Variants in ITGAX observed in about 807,000 individuals in gnomAD.
ITGAX encodes the protein integrin alpha-X.
ITGAX carries 99 observed loss-of-function variants against 140.2 expected under a neutral mutation model. That is an observed-to-expected ratio of 0.71 (90% CI 0.60 to 0.83). The LOEUF is 0.83. ITGAX is among the 40% of genes least tolerant of loss of function. The probability of loss-of-function intolerance (pLI) is 0.00; values close to 1 mark genes in which losing one functional copy is unlikely to be tolerated. For missense variants in ITGAX, 1,444 were observed against 1,482.0 expected (o/e 0.97, Z 0.42); for synonymous variants, 631 against 600.4 (o/e 1.05, Z -0.75).
intron 20 of ITGAX, 149 bp from the exon 21 acceptor site, chr16:31,376,650 A>T: frequency 1.5e-6 from 1 of 678,328 alleles, no homozygotes; most frequent in South Asian, 1.9e-5. Context: ...AAACAAAAAC[A>T]TAAGCTTAAG....
At position 31,361,148 on chromosome 16, in the gene ITGAX, T is replaced by G; in HGVS notation, c.947T>G (p.Val316Gly). The G allele has an allele frequency of 1.2e-6, 2 of 1,613,680 alleles. No individual in the cohort carries two copies. The highest frequency in any genetic ancestry group is 1.7e-6 in the Non-Finnish European group (2 of 1,179,838). ...CCCTCCCAGGAACACATATTTAAAGTGGAGGACTTTGATGCTCTGAAAGAT... is the reference window on the plus strand; with the variant it reads ...CCCTCCCAGGAACACATATTTAAAGGGGAGGACTTTGATGCTCTGAAAGAT... ...SKPSQEHIFK[V>G]EDFDALKDIQ... Residue 316 changes from valine to glycine, a missense_variant, in exon 9 of 30, where the codon GTG becomes GGG. Coordinates refer to ENST00000268296, the MANE Select transcript of ITGAX (RefSeq NM_000887.5).
chr16:31,372,170 G>T (rs61761301), intron 17 of ITGAX, among the ~76,000 whole-genome samples: 32 of 151,814 alleles, frequency 2.1e-4, no homozygotes, highest in East Asian at 3.9e-4. Context: ...AGGTCTGGGG[G>T]GGGGGAGGAA....
At chr16:31,372,549 C>T (rs752588452) in intron 18 of ITGAX, 40 bp downstream of exon 18, 25 of 1,613,478 alleles carry the variant, frequency 1.5e-5, no homozygotes, top group East Asian at 4.5e-5. Context: ...GGGTGCACAG[C>T]GTGGGGCCTG....
At chr16:31,356,021 C>A in intron 2 of ITGAX, 23 bp downstream of exon 2, 3 of 1,559,316 alleles carry the variant, frequency 1.9e-6, no homozygotes, top group Non-Finnish European at 2.6e-6. Flanking sequence ...TGGTGCTGGC[C>A]TTTGGCTCCA....
intron 19 of ITGAX, among the ~76,000 whole-genome samples, 183 bp from the exon 20 acceptor site, chr16:31,373,066 C>G (rs766509121): frequency 2.0e-5 from 3 of 151,162 alleles, no homozygotes; most frequent in African/African-American, 7.3e-5. Context: ...GCACTCCAGC[C>G]TGGGTGAAAG....
intron 16 of ITGAX, 26 bp downstream of exon 16, chr16:31,371,523 G>A (rs1312196585): frequency 4.3e-6 from 7 of 1,611,856 alleles, no homozygotes; most frequent in Non-Finnish European, 5.9e-6. Context: ...TCCAACCCAG[G>A]ACACCCTGAC....
rs1308079891 is a variant in ITGAX at position 31,382,427 on chromosome 16, C to T, written c.*520C>T. On this transcript the variant is annotated 3_prime_UTR_variant, in exon 30 of 30. Transcript: ENST00000268296. ...CGCCCGGCCCGATCTTTCTAAAATA[C>T]AGTTCTGAATATGCTGCTCATCCCC... 6.5e-7 allele frequency: 1 copy of T among 1,534,846 alleles called. No individual in the cohort carries two copies. Among genetic ancestry groups the T allele is most frequent in the Non-Finnish European group, 8.7e-7 (1 of 1,145,938 alleles).
At chr16:31,371,542 T>G in intron 16 of ITGAX, 45 bp downstream of exon 16, 1 of 1,608,792 alleles carries the variant, frequency 6.2e-7, no homozygotes, top group Middle Eastern at 1.7e-4. Context: ...ACCTCTGGAG[T>G]CCCCCATCCC....
At chr16:31,363,101 G>A in intron 13 of ITGAX, 26 bp downstream of exon 13, 1 of 1,601,774 alleles carries the variant, frequency 6.2e-7, no homozygotes, top group Non-Finnish European at 8.5e-7. Context: ...GCCTGGGGTG[G>A]GTGGGGTCTG....
Position 31,382,607 on chromosome 16 carries a change from T to A in ITGAX, c.*700T>A. On this transcript the variant is annotated 3_prime_UTR_variant, in exon 30 of 30. Coordinates refer to ENST00000268296, the MANE Select transcript of ITGAX (RefSeq NM_000887.5). ...CACCCTCGTTTCCAGTGAATTAGTG[T>A]CATGTCAGCATCAGCTCAGGGCTTC... The A allele has an allele frequency of 1.4e-6, 1 of 709,482 alleles. No homozygotes were observed. Among genetic ancestry groups the A allele is most frequent in the Non-Finnish European group, 2.5e-6 (1 of 393,440 alleles). 43.9% of individuals were successfully genotyped at this position (709,482 alleles called of 1,614,324 possible).
intron 9 of ITGAX, 28 bp from the exon 10 acceptor site, chr16:31,361,808 G>A (rs373842720): frequency 3.1e-6 from 5 of 1,612,266 alleles, no homozygotes; most frequent in Non-Finnish European, 4.2e-6. Flanking sequence ...CTCCCTCCCT[G>A]GCACTCAAGC....
chr16:31,376,812 T>C lies in ITGAX; in HGVS notation c.2522T>C (p.Leu841Pro). ...TCTCATGCCTAGAAACAAGGGCAGCTGCGTTCCCTGCACCTGACATGTGAC... is the reference window on the plus strand; with the variant it reads ...TCTCATGCCTAGAAACAAGGGCAGCCGCGTTCCCTGCACCTGACATGTGAC... Reference protein sequence around the residue: ...YVAEGQKQGQLRSLHLTCDSA... With the variant: ...YVAEGQKQGQPRSLHLTCDSA... The change falls in exon 21 of 30, where the codon CTG becomes CCG. Residue 841 changes from leucine to proline, a missense_variant. By Grantham distance (98) the Leu-to-Pro change is moderately conservative. Transcript: ENST00000268296. The C allele has an allele frequency of 3.1e-6, 5 of 1,614,208 alleles. No homozygotes were observed. Among genetic ancestry groups the C allele is most frequent in the Non-Finnish European group, 4.2e-6 (5 of 1,180,034 alleles).
intron 14 of ITGAX, among the ~76,000 whole-genome samples, chr16:31,367,299 G>T (rs1397665075): frequency 1.3e-5 from 2 of 152,238 alleles, no homozygotes; most frequent in Non-Finnish European, 2.9e-5. Flanking sequence ...TCTGATGAAG[G>T]TGGCTACACT....
At chr16:31,380,442 C>T (rs897969792) in intron 27 of ITGAX, 63 bp downstream of exon 27, 1 of 1,610,030 alleles carries the variant, frequency 6.2e-7, no homozygotes, top group African/African-American at 1.3e-5. Flanking sequence ...ATGTCTGTGC[C>T]CATCTGCAAG....
At position 31,360,041 on chromosome 16, in the gene ITGAX, C is replaced by T. The variant is rs201048460; in HGVS notation, c.683C>T (p.Thr228Met). Residue 228 changes from threonine (T) to methionine (M), a missense_variant, in exon 7 of 30, where the codon ACG (threonine) becomes ATG (methionine). Physicochemically the swap from Thr to Met is moderately conservative, Grantham distance 81. Coordinates refer to ENST00000268296, the MANE Select transcript of ITGAX (RefSeq NM_000887.5). Reference sequence around the variant, plus strand: ...CACCAGCTGCAAGGGTTTACATACACGGCCACCGCCATCCAAAATGTCGTG... The same window carrying T: ...CACCAGCTGCAAGGGTTTACATACATGGCCACCGCCATCCAAAATGTCGTG... ...SVHQLQGFTY[T>M]ATAIQNVVHR... is the part of the protein sequence containing the mutation. The T allele has an allele frequency of 1.7e-5, 28 of 1,611,916 alleles. No individual in the cohort carries two copies. The highest frequency in any genetic ancestry group is 2.2e-5 in the East Asian group (1 of 44,882).
intron 19 of ITGAX, 46 bp from the exon 20 acceptor site, chr16:31,373,203 C>A (rs758183402): frequency 1.6e-5 from 24 of 1,520,258 alleles, no homozygotes; most frequent in Admixed American, 5.4e-5. Flanking sequence ...CCATTTCTAG[C>A]CTCAGTCACA....
chr16:31,365,784 G>A (rs1310229606), intron 14 of ITGAX, among the ~76,000 whole-genome samples: 2 of 152,176 alleles, frequency 1.3e-5, no homozygotes, highest in African/African-American at 2.4e-5. Context: ...TTAGTTGTGC[G>A]TAATGGCGCA....
Position 31,379,982 on chromosome 16 carries a change from A to C in ITGAX, c.2977A>C (p.Asn993His), listed in dbSNP as rs748042572. 1.2e-6 allele frequency: 2 copies of C among 1,614,032 alleles called. No individual in the cohort carries two copies. The highest frequency in any genetic ancestry group is 1.7e-6 in the Non-Finnish European group (2 of 1,179,918). ...WMDVEVSHPQ[N>H]PSLRCSSEKI... ...ACTTGTTCTCTGCATTTTCCCCCAG[A>C]ACCCATCCCTTCGGTGCTCCTCAGA... The change falls in exon 26 of 30, where the codon AAC (asparagine) becomes CAC (histidine). Residue 993 changes from asparagine to histidine, a missense_variant and splice_region_variant. Asn to His is a moderately conservative substitution (Grantham distance 68). Transcript: ENST00000268296.
At chr16:31,360,994 T>A in intron 8 of ITGAX, 69 bp from the exon 9 acceptor site, 4 of 1,444,092 alleles carry the variant, frequency 2.8e-6, no homozygotes, top group Non-Finnish European at 2.9e-6. Context: ...TATTGGAAGA[T>A]GTTGCACCCA....
Sources: allele counts gnomAD v4.1 joint callset (sites outside exome capture counted in the v4.1 genomes callset), GRCh38; gene constraint gnomAD v4.1.1; transcripts MANE v1.5; gene names NCBI Gene and HGNC (gene_info 2026-07-23, HGNC 2026-07-21).